VCPKMT: variants seen among roughly 807,000 people sequenced by gnomAD.
The protein encoded by VCPKMT is protein N-lysine methyltransferase METTL21D.
VCPKMT carries 32 observed loss-of-function variants against 28.6 expected under a neutral mutation model. The ratio of observed to expected loss-of-function variants is 1.12; its 90% CI spans 0.84 to 1.50. The LOEUF (loss-of-function observed/expected upper bound fraction) is 1.50, where lower values mean the gene tolerates loss of function less well. Among genes scored for constraint, VCPKMT ranks in the 40% most tolerant of loss-of-function variants. The pLI, the probability that VCPKMT is intolerant of heterozygous loss-of-function variation, is 0.00. For synonymous variants in VCPKMT, 138 were observed against 111.4 expected (o/e 1.24, Z -1.50); for missense variants, 366 against 285.0 (o/e 1.28, Z -2.05).
chr14:50,104,602 G>A (rs143355342), downstream of VCPKMT, among the ~76,000 whole-genome samples: 1 of 150,846 alleles, frequency 6.6e-6, no homozygotes, highest in South Asian at 2.1e-4. Context: ...AGAAAACCCA[G>A]AAGTCAAATA....
Position 50,116,165 on chromosome 14 carries a change from A to C in VCPKMT, c.281T>G (p.Val94Gly), listed in dbSNP as rs765760935. Residue 94 changes from valine (V) to glycine (G), a missense_variant, in exon 2 of 6, where the codon GTC becomes GGC. Physicochemically the swap from Val to Gly is moderately radical, Grantham distance 109. Coordinates refer to ENST00000395860, the MANE Select transcript of VCPKMT (RefSeq NM_024558.3). ...GTCTTGCAATTCCTCAAGATCGGTGACTACAACATCAGCCCTATAAAATAA... is the reference window on the plus strand; with the variant it reads ...GTCTTGCAATTCCTCAAGATCGGTGCCTACAACATCAGCCCTATAAAATAA... ...MAATLGADVV[V>G]TDLEELQDLL... 1 of 1,614,142 alleles carries C rather than the reference A, an allele frequency of 6.2e-7. No homozygotes were observed. Among genetic ancestry groups the C allele is most frequent in the African/African-American group, 1.3e-5 (1 of 75,058 alleles).
intron 5 of VCPKMT, chr14:50,111,523 TA>T (rs1882660297): frequency 1.0e-6 from 1 of 985,236 alleles, no homozygotes; most frequent in African/African-American, 1.7e-5. Flanking sequence ...CCTTAATTCA[TA>T]AAACTAATCA....
chr14:50,113,531 C>T (rs1419591091), intron 4 of VCPKMT: 1 of 135,988 alleles, frequency 7.4e-6, no homozygotes, highest in African/African-American at 2.8e-5. Context: ...AGAAGAGTGA[C>T]AGATACATAA....
At chr14:50,113,794 C>CTGG (rs1356359583) in intron 4 of VCPKMT, among the ~76,000 whole-genome samples, 95 of 8,328 alleles carry the variant, frequency 0.011, 11 homozygotes, top group African/African-American at 0.026. Flanking sequence ...TACTTGGGGG[C>CTGG]GGGGGGGGGG....
chr14:50,116,255 C>A, intron 1 of VCPKMT, 32 bp downstream of exon 1: 1 of 1,608,358 alleles, frequency 6.2e-7, no homozygotes, highest in Non-Finnish European at 8.5e-7. Context: ...CAAGAAGGCG[C>A]CCCCACATCC....
intron 5 of VCPKMT, 112 bp from the exon 6 acceptor site, chr14:50,109,825 G>A: frequency 2.4e-6 from 3 of 1,247,064 alleles, no homozygotes; most frequent in South Asian, 1.6e-5. Flanking sequence ...GTATAACAGT[G>A]GCTACATGCA....
At chr14:50,107,589 G>A (rs115238480), downstream of VCPKMT, among the ~76,000 whole-genome samples, 647 of 152,280 alleles carry the variant, frequency 4.2e-3, 4 homozygotes, top group African/African-American at 0.015. Context: ...GAGCCACCGC[G>A]CGTGGGGCCT....
chr14:50,112,520 C>T, intron 5 of VCPKMT, 95 bp downstream of exon 5: 1 of 695,356 alleles, frequency 1.4e-6, no homozygotes, highest in Non-Finnish European at 2.4e-6. Flanking sequence ...TGTTTCTCCA[C>T]ATCAAAATCA....
intron 4 of VCPKMT, among the ~76,000 whole-genome samples, chr14:50,114,075 C>T (rs1882922175): frequency 6.6e-6 from 1 of 152,066 alleles, no homozygotes; most frequent in Non-Finnish European, 1.5e-5. Flanking sequence ...CTTCTGTAGC[C>T]ATAGATCAAC....
chr14:50,108,764 T>C lies in VCPKMT; in HGVS notation c.*935A>G, dbSNP rs1405819203. On this transcript the variant is annotated 3_prime_UTR_variant, in exon 6 of 6. Coordinates refer to ENST00000395860, the MANE Select transcript of VCPKMT (RefSeq NM_024558.3). ...GATTAAAGTCCTTGACAGATTATTG[T>C]ATATGAGCGAATGGCTTCATAACAT... is the stretch of plus-strand genomic sequence containing the variant. The C allele has an allele frequency of 1.0e-5, 10 of 985,656 alleles. No homozygotes were observed. Among genetic ancestry groups the C allele is most frequent in the Non-Finnish European group, 1.2e-5 (10 of 829,942 alleles). The allele number at this position is 985,656 out of a possible 1,614,324, so 61.1% of individuals were successfully genotyped here.
At chr14:50,114,951 C>A (rs1883000395) in intron 3 of VCPKMT, among the ~76,000 whole-genome samples, 1 of 152,110 alleles carries the variant, frequency 6.6e-6, no homozygotes, top group Non-Finnish European at 1.5e-5. Context: ...AAAAAGGATT[C>A]AGATGACTGC....
downstream of VCPKMT, among the ~76,000 whole-genome samples, chr14:50,107,619 A>G (rs1000675672): frequency 1.3e-5 from 2 of 152,194 alleles, no homozygotes; most frequent in Non-Finnish European, 2.9e-5. Flanking sequence ...TGAATTACAA[A>G]TTTCCTCTAC....
chr14:50,109,627 G>C lies in VCPKMT; in HGVS notation c.*72C>G. On this transcript the variant is annotated 3_prime_UTR_variant, in exon 6 of 6. Coordinates refer to ENST00000395860, the MANE Select transcript of VCPKMT (RefSeq NM_024558.3). ...TCTGTGAACACAATCTTCCCATGCT[G>C]TATTCACATGCTCTATTCACATCTT... 1 of 1,532,578 alleles carries C rather than the reference G, an allele frequency of 6.5e-7. No individual in the cohort carries two copies. Among genetic ancestry groups the C allele is most frequent in the Admixed American group, 2.3e-5 (1 of 43,676 alleles). The allele number at this position is 1,532,578 out of a possible 1,614,324, so 94.9% of individuals were successfully genotyped here.
downstream of VCPKMT, among the ~76,000 whole-genome samples, chr14:50,107,612 A>G (rs903628793): frequency 4.6e-5 from 7 of 152,188 alleles, no homozygotes; most frequent in African/African-American, 1.7e-4. Flanking sequence ...TTGACTTTGA[A>G]TTACAAATTT....
At chr14:50,113,915 C>CAAAACA (rs60601871) in intron 4 of VCPKMT, among the ~76,000 whole-genome samples, 45 of 150,996 alleles carry the variant, frequency 3.0e-4, no homozygotes, top group Middle Eastern at 6.8e-3. Context: ...AACCCTGTCT[C>CAAAACA]AAAACAAAAA....
chr14:50,106,564 A>G, downstream of VCPKMT: 1 of 985,394 alleles, frequency 1.0e-6, no homozygotes, highest in Non-Finnish European at 1.2e-6. Context: ...AATACCCCTC[A>G]GCCTTACAGT....
At chr14:50,110,395 C>T (rs1882560200) in intron 5 of VCPKMT, among the ~76,000 whole-genome samples, 1 of 152,150 alleles carries the variant, frequency 6.6e-6, no homozygotes, top group Admixed American at 6.6e-5. Flanking sequence ...ACTCTCACAA[C>T]TCAAAGTAAA....
chr14:50,113,746 G>T (rs919801037), intron 4 of VCPKMT, among the ~76,000 whole-genome samples: 1 of 146,378 alleles, frequency 6.8e-6, no homozygotes, highest in Non-Finnish European at 1.5e-5. Context: ...AATACAAAAA[G>T]TTAGCCGGGT....
chr14:50,109,218 A>G lies in VCPKMT; in HGVS notation c.*481T>C. On this transcript the variant is annotated 3_prime_UTR_variant, in exon 6 of 6. Transcript: ENST00000395860. The stretch of plus-strand genomic sequence containing the variant: ...TAAAAGAAATGAAGTGGAAAATACA[A>G]ATGATAAATATTGTATAATTATGTA... 1.1e-6 allele frequency: 1 copy of G among 902,974 alleles called. No individual in the cohort carries two copies. The highest frequency in any genetic ancestry group is 1.3e-6 in the Non-Finnish European group (1 of 754,544). The allele number at this position is 902,974 out of a possible 1,614,324, so 55.9% of individuals were successfully genotyped here.
Sources: gnomAD v4.1 joint callset for allele counts (sites outside exome capture counted in the v4.1 genomes callset) on GRCh38, gnomAD v4.1.1 for gene constraint, MANE v1.5 for transcripts, NCBI Gene and HGNC (gene_info 2026-07-23, HGNC 2026-07-21) for gene names.